RTKN2: variants seen among roughly 807,000 people sequenced by gnomAD.
RTKN2 encodes rhotekin 2.
A neutral mutation model predicts 71.5 loss-of-function variants in RTKN2; 69 were observed. The observed-to-expected ratio is 0.96, with a 90% CI of 0.79 to 1.18. The LOEUF (loss-of-function observed/expected upper bound fraction) is 1.18, where lower values mean the gene tolerates loss of function less well. RTKN2 is among the 50% of genes most tolerant of loss of function. The pLI, the probability that RTKN2 is intolerant of heterozygous loss-of-function variation, is 0.00. For missense variants in RTKN2, 724 were observed against 719.7 expected, an observed-to-expected ratio of 1.01 and a Z score of -0.07; for synonymous variants, 236 against 236.5, an observed-to-expected ratio of 1.00 and a Z score of 0.02.
intron 6 of RTKN2, among the ~76,000 whole-genome samples, chr10:62,235,021 C>T (rs967718067): frequency 1.3e-5 from 2 of 151,646 alleles, no homozygotes; most frequent in African/African-American, 2.4e-5. Flanking sequence ...ATAGGAAATA[C>T]AAGGGCCAGA....
At position 62,193,709 on chromosome 10, in the gene RTKN2, C is replaced by T. The variant is rs751307280; in HGVS notation, c.*4199G>A. The T allele has an allele frequency of 3.0e-6, 3 of 985,112 alleles. No homozygotes were observed. The highest frequency in any genetic ancestry group is 3.6e-6 in the Non-Finnish European group (3 of 829,710). The allele number at this position is 985,112 out of a possible 1,614,324, so 61.0% of individuals were successfully genotyped here. A position where few individuals can be genotyped will look rare whatever the true frequency, so the allele number is the denominator to read the frequency against. ...CTTGTGGCTAGTAGCGACTGAATAT[C>T]CTACGTACCTAATTTACTGCAGTGG... On this transcript the variant is annotated 3_prime_UTR_variant, in exon 12 of 12. Coordinates refer to ENST00000373789, the MANE Select transcript of RTKN2 (RefSeq NM_145307.4).
chr10:62,261,522 A>C (rs1269402881), intron 2 of RTKN2, among the ~76,000 whole-genome samples: 2 of 152,048 alleles, frequency 1.3e-5, no homozygotes, highest in Non-Finnish European at 2.9e-5. Context: ...GTGGTGGCAC[A>C]CGCCTATAGT....
chr10:62,215,029 CT>C, intron 9 of RTKN2: 1 of 1,452,366 alleles, frequency 6.9e-7, no homozygotes, highest in Non-Finnish European at 9.4e-7. Flanking sequence ...CTTTGCCTAC[CT>C]TAAAGGACTG....
intron 7 of RTKN2, among the ~76,000 whole-genome samples, chr10:62,218,572 CTT>C (rs1277734132): frequency 3.3e-5 from 5 of 151,826 alleles, no homozygotes; most frequent in Non-Finnish European, 5.9e-5. Context: ...TGTTTAGTCT[CTT>C]GTTTGATTTT....
At chr10:62,190,447 T>C (rs1026586461), downstream of RTKN2, among the ~76,000 whole-genome samples, 1 of 152,060 alleles carries the variant, frequency 6.6e-6, no homozygotes, top group African/African-American at 2.4e-5. Context: ...GGTTAAAACA[T>C]AAAACAGATA....
At chr10:62,238,167 G>T (rs1282331995) in intron 5 of RTKN2, 10 of 151,812 alleles carry the variant, frequency 6.6e-5, no homozygotes, top group Admixed American at 6.6e-4. Flanking sequence ...TATTTTTATA[G>T]TTTATTATTT....
At position 62,268,700 on chromosome 10, in the gene RTKN2, C is replaced by G. The variant is rs1175816931; in HGVS notation, c.-90G>C. Reference sequence around the variant, plus strand: ...TGGCAGGAGCCGCAGAGGACGCCAACCGCCCGGCCGTACCAAGTCCCAGTC... The same window carrying G: ...TGGCAGGAGCCGCAGAGGACGCCAAGCGCCCGGCCGTACCAAGTCCCAGTC... On this transcript the variant is annotated 5_prime_UTR_variant, in exon 1 of 12. Transcript: ENST00000373789. 2.2e-6 allele frequency: 3 copies of G among 1,354,018 alleles called. No homozygotes were observed. Among genetic ancestry groups the G allele is most frequent in the Non-Finnish European group, 3.0e-6 (3 of 984,930 alleles). 83.9% of individuals were successfully genotyped at this position (1,354,018 alleles called of 1,614,324 possible). A position where few individuals can be genotyped will look rare whatever the true frequency, so the allele number is the denominator to read the frequency against.
chr10:62,204,743 C>T, intron 10 of RTKN2, 114 bp downstream of exon 10: 1 of 688,902 alleles, frequency 1.5e-6, no homozygotes, highest in Non-Finnish European at 2.3e-6. Flanking sequence ...ACCATTCTTT[C>T]AAGAACATAA....
In RTKN2 at chr10:62,220,883, T is replaced by C. The variant is rs181016042; in HGVS notation, c.781+2355A>G. Among the ~76,000 whole-genome samples, 21 of 152,238 alleles carry C rather than the reference T, an allele frequency of 1.4e-4. No homozygotes were observed. In the East Asian group the frequency reaches 3.9e-3, roughly 28 times the overall value. ...ATAAAAGCCAAAAATGTTGGAATTATATGTTCAATATTCAACAAGAAAAAA... is the reference window on the plus strand; with the variant it reads ...ATAAAAGCCAAAAATGTTGGAATTACATGTTCAATATTCAACAAGAAAAAA... On this transcript the variant is annotated intron_variant, in intron 7 of 11. Coordinates refer to ENST00000373789, the MANE Select transcript of RTKN2 (RefSeq NM_145307.4).
At chr10:62,250,035 T>C (rs1564525364) in intron 2 of RTKN2, among the ~76,000 whole-genome samples, 1 of 152,166 alleles carries the variant, frequency 6.6e-6, no homozygotes, top group Non-Finnish European at 1.5e-5. Flanking sequence ...ACAGCATAGC[T>C]AGAAAACAGA....
At chr10:62,236,874 T>C (rs943710066) in intron 5 of RTKN2, among the ~76,000 whole-genome samples, 4 of 150,380 alleles carry the variant, frequency 2.7e-5, no homozygotes, top group African/African-American at 9.8e-5. Flanking sequence ...GAAATGAAAA[T>C]ATTGTGTGTT....
intron 2 of RTKN2, chr10:62,259,171 G>C (rs1335131906): frequency 2.2e-6 from 1 of 452,860 alleles, no homozygotes; most frequent in Non-Finnish European, 4.4e-6. Context: ...ATGATCTCTT[G>C]CCTGCTGACA....
chr10:62,220,150 A>G (rs7092005), intron 7 of RTKN2, among the ~76,000 whole-genome samples: 115,559 of 152,186 alleles, frequency 0.76, 43,973 homozygotes, highest in East Asian at 0.9. Flanking sequence ...GCAAGGCAGC[A>G]AAGGTTTGTA....
At chr10:62,209,714 T>C (rs1841620723) in intron 9 of RTKN2, among the ~76,000 whole-genome samples, 1 of 152,062 alleles carries the variant, frequency 6.6e-6, no homozygotes, top group African/African-American at 2.4e-5. Flanking sequence ...GAAAATGTGG[T>C]ATTTGGTTTT....
chr10:62,206,440 G>C (rs1841550854), intron 9 of RTKN2, among the ~76,000 whole-genome samples: 1 of 152,082 alleles, frequency 6.6e-6, no homozygotes, highest in South Asian at 2.1e-4. Context: ...CCTGAAAAAT[G>C]GATAAATACA....
intron 9 of RTKN2, among the ~76,000 whole-genome samples, chr10:62,215,589 G>A (rs955255399): frequency 2.6e-5 from 4 of 152,018 alleles, no homozygotes; most frequent in African/African-American, 9.7e-5. Flanking sequence ...ATGAAAAAGT[G>A]TCCTTGGTTT....
chr10:62,215,078 A>G, intron 9 of RTKN2: 1 of 1,514,650 alleles, frequency 6.6e-7, no homozygotes, highest in Non-Finnish European at 8.9e-7. Flanking sequence ...ACTGTCTTCA[A>G]ATAAAACTAA....
In RTKN2 at chr10:62,198,290, T is replaced by G. The variant is rs1459462974; in HGVS notation, c.1448A>C (p.Gln483Pro). 6.2e-7 allele frequency: 1 copy of G among 1,614,030 alleles called. No homozygotes were observed. The highest frequency in any genetic ancestry group is 1.1e-5 in the South Asian group (1 of 91,066). The change falls in exon 12 of 12, where the codon CAG becomes CCG. Residue 483 changes from glutamine (Q) to proline (P), a missense_variant. Gln to Pro is a moderately conservative substitution (Grantham distance 76). Coordinates refer to ENST00000373789, the MANE Select transcript of RTKN2 (RefSeq NM_145307.4). The part of the protein sequence containing the change: ...LFDGNHQMVI[Q>P]KKVLYPASEP... ...ACTTGCAGGATACAGTACCTTTTTC[T>G]GGATGACCATTTGATGGTTACCATC...
At position 62,196,259 on chromosome 10, in the gene RTKN2, T is replaced by C. The variant is rs1485050755; in HGVS notation, c.*1649A>G. On this transcript the variant is annotated 3_prime_UTR_variant, in exon 12 of 12. Coordinates refer to ENST00000373789, the MANE Select transcript of RTKN2 (RefSeq NM_145307.4). The stretch of plus-strand genomic sequence containing the variant: ...TCATAACAGAAACTTATGAGAGCCT[T>C]CTAGTTAGAAAAAATAAGTTTACTT... The C allele has an allele frequency of 3.3e-5, 32 of 974,328 alleles. No homozygotes were observed. In the South Asian group the frequency reaches 4.3e-4, roughly 13 times the overall value. 60.4% of individuals were successfully genotyped at this position (974,328 alleles called of 1,614,324 possible).
Sources: gnomAD v4.1 joint callset for allele counts (sites outside exome capture counted in the v4.1 genomes callset) on GRCh38, gnomAD v4.1.1 for gene constraint, MANE v1.5 for transcripts, NCBI Gene and HGNC (gene_info 2026-07-23, HGNC 2026-07-21) for gene names.